SLCO5A1: variants seen among roughly 807,000 people sequenced by gnomAD.
SLCO5A1 encodes solute carrier organic anion transporter family member 5A1, also known as organic anion transporter polypeptide-related protein 4.
Under a neutral mutation model 65.1 loss-of-function variants are expected in SLCO5A1, and 39 were observed. The ratio of observed to expected loss-of-function variants is 0.60; its 90% confidence interval spans 0.46 to 0.78. SLCO5A1 has a LOEUF of 0.78. SLCO5A1 is among the 30% of genes least tolerant of loss of function. The pLI, the probability that SLCO5A1 is intolerant of heterozygous loss-of-function variation, is 0.00. For missense variants in SLCO5A1, 1,029 were observed against 1,069.4 expected, an observed-to-expected ratio of 0.96 and a Z score of 0.53; for synonymous variants, 438 against 415.7, an observed-to-expected ratio of 1.05 and a Z score of -0.65.
intron 2 of SLCO5A1, among the ~76,000 whole-genome samples, chr8:69,786,724 G>A (rs1267067454): frequency 6.6e-6 from 1 of 152,084 alleles, no homozygotes; most frequent in Non-Finnish European, 1.5e-5. Flanking sequence ...GTACATACTT[G>A]GTCATCTAGA....
chr8:69,687,723 T>C (rs1814063942), intron 6 of SLCO5A1, among the ~76,000 whole-genome samples: 1 of 152,106 alleles, frequency 6.6e-6, no homozygotes, highest in Admixed American at 6.6e-5. Flanking sequence ...AATGTACGTA[T>C]AGATTAACAT....
At position 69,705,090 on chromosome 8, in the gene SLCO5A1, T is replaced by G; in HGVS notation, c.1563A>C (p.Leu521=). Residue 521 remains leucine (L), a synonymous_variant, in exon 6 of 10, where the codon CTA becomes CTC. Coordinates refer to ENST00000260126, the MANE Select transcript of SLCO5A1 (RefSeq NM_030958.3). ...SGVSLLCFST[L]FIVGCESINL... ...TAATGCTTTCACATCCAACAATAAA[T>G]AGGGTTGAAAAACATAGTAAAGACA... The G allele has an allele frequency of 6.2e-7, 1 of 1,614,034 alleles. No homozygotes were observed. The highest frequency in any genetic ancestry group is 2.2e-5 in the East Asian group (1 of 44,876).
intron 7 of SLCO5A1, 32 bp from the exon 8 acceptor site, chr8:69,679,651 C>T: frequency 1.9e-6 from 3 of 1,605,370 alleles, no homozygotes; most frequent in South Asian, 2.2e-5. Context: ...GAGTTGTGTG[C>T]CCCTCAAAAG....
chr8:69,695,018 A>G (rs998364988), intron 6 of SLCO5A1, among the ~76,000 whole-genome samples: 1 of 152,242 alleles, frequency 6.6e-6, no homozygotes, highest in African/African-American at 2.4e-5. Flanking sequence ...ACATTCATTC[A>G]TCTGTTAAAG....
At position 69,742,339 on chromosome 8, in the gene SLCO5A1, T is replaced by C. The variant is rs540832871; in HGVS notation, c.1259-4135A>G. The stretch of plus-strand genomic sequence containing the variant: ...TAGATCAGTTTCTTGGTGTCATTTA[T>C]AACTGTGTCATTGTAAAACCAAAGA... On this transcript the variant is annotated intron_variant, in intron 4 of 9. Transcript: ENST00000260126. Among the ~76,000 whole-genome samples the C allele has an allele frequency of 5.3e-4, 80 of 152,304 alleles. 1 individual carries two copies. Among genetic ancestry groups the C allele is most frequent in the Admixed American group, 3.7e-3 (57 of 15,288 alleles).
At chr8:69,782,988 T>A (rs1160908390) in intron 2 of SLCO5A1, among the ~76,000 whole-genome samples, 1 of 152,202 alleles carries the variant, frequency 6.6e-6, no homozygotes, top group East Asian at 1.9e-4. Context: ...TCCCACTAGA[T>A]GTGCTTCCTC....
intron 2 of SLCO5A1, among the ~76,000 whole-genome samples, chr8:69,780,019 C>T (rs1236960372): frequency 6.6e-6 from 1 of 151,588 alleles, no homozygotes; most frequent in African/African-American, 2.4e-5. Context: ...CAACAGAAGG[C>T]ATATAAATGG....
intron 6 of SLCO5A1, among the ~76,000 whole-genome samples, chr8:69,688,444 T>C (rs190564137): frequency 0.05 from 7,529 of 152,082 alleles, 518 homozygotes; most frequent in African/African-American, 0.16. Flanking sequence ...CATTAACTCG[T>C]CATTTAGCAT....
Position 69,672,555 on chromosome 8 carries a change from C to T in SLCO5A1, c.*314G>A, listed in dbSNP as rs1813368153. 3.3e-6 allele frequency: 1 copy of T among 301,706 alleles called. No individual in the cohort carries two copies. The highest frequency in any genetic ancestry group is 6.2e-6 in the Non-Finnish European group (1 of 162,078). 18.7% of individuals were successfully genotyped at this position (301,706 alleles called of 1,614,324 possible). ...TTAGTTAATGATATGCACCGCCATTCCCCTTCCCATGGTTTTGCTAACCGT... is the reference window on the plus strand; with the variant it reads ...TTAGTTAATGATATGCACCGCCATTTCCCTTCCCATGGTTTTGCTAACCGT... On this transcript the variant is annotated 3_prime_UTR_variant, in exon 10 of 10. Coordinates refer to ENST00000260126, the MANE Select transcript of SLCO5A1 (RefSeq NM_030958.3).
chr8:69,753,706 C>T (rs985291200), intron 4 of SLCO5A1, among the ~76,000 whole-genome samples: 1 of 152,022 alleles, frequency 6.6e-6, no homozygotes, highest in Non-Finnish European at 1.5e-5. Context: ...TTTATAGTCT[C>T]CATAAATGAA....
At chr8:69,694,867 G>A (rs1814430928) in intron 6 of SLCO5A1, among the ~76,000 whole-genome samples, 1 of 152,176 alleles carries the variant, frequency 6.6e-6, no homozygotes, top group African/African-American at 2.4e-5. Flanking sequence ...CAGGTTACTT[G>A]TTCTAGATTG....
intron 2 of SLCO5A1, among the ~76,000 whole-genome samples, chr8:69,768,666 G>A (rs556003014): frequency 3.7e-4 from 56 of 152,130 alleles, no homozygotes; most frequent in African/African-American, 1.0e-3. Context: ...AGAGCGTTCC[G>A]GTGTCTCTTC....
rs565763384 is a variant in SLCO5A1, at chr8:69,731,147, G to T, written c.1423+6893C>A. Among the ~76,000 whole-genome samples the T allele has an allele frequency of 2.8e-4, 42 of 152,180 alleles. 2 individuals carry two copies. In the South Asian group the frequency reaches 8.1e-3, roughly 29 times the overall value. On this transcript the variant is annotated intron_variant, in intron 5 of 9. Coordinates refer to ENST00000260126, the MANE Select transcript of SLCO5A1 (RefSeq NM_030958.3). Reference sequence around the variant, plus strand: ...CCCAAGTAGCTGGGATTATAGGCACGTGTCACCACGCCTGGCTAATTTTTG... The same window carrying T: ...CCCAAGTAGCTGGGATTATAGGCACTTGTCACCACGCCTGGCTAATTTTTG...
At chr8:69,790,882 C>G (rs1819239186) in intron 2 of SLCO5A1, among the ~76,000 whole-genome samples, 1 of 152,126 alleles carries the variant, frequency 6.6e-6, no homozygotes, top group Admixed American at 6.5e-5. Context: ...TGAGTAACAA[C>G]TGAGTGAGTA....
In SLCO5A1 at chr8:69,738,105, G is replaced by T; in HGVS notation, c.1358C>A (p.Thr453Asn). 1 of 1,613,918 alleles carries T rather than the reference G, an allele frequency of 6.2e-7. No individual in the cohort carries two copies. The highest frequency in any genetic ancestry group is 8.5e-7 in the Non-Finnish European group (1 of 1,179,884). The stretch of plus-strand genomic sequence containing the variant: ...TGACTCGATGAACTTGGGAATGAAG[G>T]TAATGAAAGCAGTTACAATGGCACT... Reference protein sequence around the residue: ...AESAIVTAFITFIPKFIESQF... With the variant: ...AESAIVTAFINFIPKFIESQF... Residue 453 changes from threonine (T) to asparagine (N), a missense_variant, in exon 5 of 10, where the codon ACC becomes AAC. Coordinates refer to ENST00000260126, the MANE Select transcript of SLCO5A1 (RefSeq NM_030958.3).
At chr8:69,803,219 C>A (rs538002565) in intron 2 of SLCO5A1, among the ~76,000 whole-genome samples, 2 of 152,172 alleles carry the variant, frequency 1.3e-5, no homozygotes, top group South Asian at 4.2e-4. Context: ...AGTTCAAGAC[C>A]AGCCTGGCCA....
intron 4 of SLCO5A1, among the ~76,000 whole-genome samples, chr8:69,755,064 T>C (rs1817483386): frequency 6.6e-6 from 1 of 152,222 alleles, no homozygotes; most frequent in Non-Finnish European, 1.5e-5. Flanking sequence ...TATAGACATC[T>C]GTTTCTTTAT....
At chr8:69,806,155 C>T (rs1819980302) in intron 2 of SLCO5A1, among the ~76,000 whole-genome samples, 1 of 152,170 alleles carries the variant, frequency 6.6e-6, no homozygotes. Flanking sequence ...GTGTAAACTT[C>T]CACTCTAGGG....
At chr8:69,709,136 C>G (rs1359562998) in intron 5 of SLCO5A1, among the ~76,000 whole-genome samples, 2 of 152,080 alleles carry the variant, frequency 1.3e-5, no homozygotes, top group African/African-American at 4.8e-5. Flanking sequence ...TCAGCTCTTT[C>G]TAGAACTTTG....
Sources: allele counts gnomAD v4.1 joint callset (sites outside exome capture counted in the v4.1 genomes callset), GRCh38; gene constraint gnomAD v4.1.1; transcripts MANE v1.5; gene names NCBI Gene and HGNC (gene_info 2026-07-23, HGNC 2026-07-21).